The following MSL2 variants were observed in gnomAD, a reference collection of about 807,000 sequenced individuals.
The protein encoded by MSL2 is MSL complex subunit 2, also known as E3 ubiquitin-protein ligase MSL2.
MSL2 carries 2 observed loss-of-function variants against 35.8 expected under a neutral mutation model. The ratio of observed to expected loss-of-function variants is 0.06; its 90% CI spans 0.02 to 0.18. The LOEUF is 0.18. Among genes scored for constraint, MSL2 ranks in the 10% least tolerant of loss-of-function variants. The probability of loss-of-function intolerance (pLI) is 1.00; values close to 1 mark genes in which losing one functional copy is unlikely to be tolerated. For missense variants in MSL2, 523 were observed against 706.7 expected (o/e 0.74, Z 2.95); for synonymous variants, 296 against 255.7 (o/e 1.16, Z -1.50).
At chr3:136,178,651 G>A (rs985573351) in intron 1 of MSL2, among the ~76,000 whole-genome samples, 1 of 151,242 alleles carries the variant, frequency 6.6e-6, no homozygotes, top group Middle Eastern at 3.2e-3. Context: ...TCCTGCCTCA[G>A]CCTCCCAAGT....
intron 1 of MSL2, among the ~76,000 whole-genome samples, chr3:136,186,702 G>A (rs556725198): frequency 2.6e-5 from 4 of 152,256 alleles, no homozygotes; most frequent in East Asian, 1.9e-4. Flanking sequence ...TGGAAAACAC[G>A]CTCAGGGCTC....
chr3:136,165,224 A>G (rs2108071096), intron 1 of MSL2, among the ~76,000 whole-genome samples: 1 of 151,608 alleles, frequency 6.6e-6, no homozygotes, highest in African/African-American at 2.4e-5. Flanking sequence ...AAAAAAAAAA[A>G]GTCTCACTGC....
chr3:136,167,925 A>G (rs754902870), intron 1 of MSL2, among the ~76,000 whole-genome samples: 2 of 152,208 alleles, frequency 1.3e-5, no homozygotes, highest in African/African-American at 4.8e-5. Flanking sequence ...AAAAGACAGG[A>G]AACAGTTTTC....
At chr3:136,186,897 C>T (rs1356348631) in intron 1 of MSL2, among the ~76,000 whole-genome samples, 4 of 152,084 alleles carry the variant, frequency 2.6e-5, no homozygotes, top group Non-Finnish European at 5.9e-5. Context: ...AGGGAACTGC[C>T]GCTTTAAATC....
chr3:136,187,899 C>T (rs774668951), intron 1 of MSL2, among the ~76,000 whole-genome samples: 1 of 151,740 alleles, frequency 6.6e-6, no homozygotes, highest in Non-Finnish European at 1.5e-5. Flanking sequence ...TTTTAATAAG[C>T]TTTTAGGTGA....
At chr3:136,185,590 GC>G (rs1458999222) in intron 1 of MSL2, among the ~76,000 whole-genome samples, 2 of 151,780 alleles carry the variant, frequency 1.3e-5, no homozygotes, top group Non-Finnish European at 1.5e-5. Flanking sequence ...AGGCTGGAGT[GC>G]AGTGGTGCAA....
chr3:136,188,985 T>C (rs1296579690), intron 1 of MSL2, among the ~76,000 whole-genome samples: 2 of 151,490 alleles, frequency 1.3e-5, no homozygotes, highest in African/African-American at 2.4e-5. Context: ...AGCAGTATCA[T>C]CTTGCATAAA....
intron 1 of MSL2, among the ~76,000 whole-genome samples, chr3:136,186,522 C>T (rs1940529314): frequency 6.6e-6 from 1 of 152,180 alleles, no homozygotes; most frequent in Non-Finnish European, 1.5e-5. Flanking sequence ...CCCCACTGCT[C>T]GCATTACCAC....
At position 136,150,000 on chromosome 3, in the gene MSL2, C is replaced by CAAGT. The variant is rs1360935025; in HGVS notation, c.*1146_*1147insACTT. 6.6e-6 allele frequency: 1 copy of CAAGT among 152,646 alleles called. No homozygotes were observed. Among genetic ancestry groups the CAAGT allele is most frequent in the East Asian group, 1.9e-4 (1 of 5,206 alleles). The allele number at this position is 152,646 out of a possible 1,614,324, so 9.5% of individuals were successfully genotyped here. A position where few individuals can be genotyped will look rare whatever the true frequency, so the allele number is the denominator to read the frequency against. ...TCCCTTCAACAGAATGTTTGTGACT[C>CAAGT]ACTTGTCTTCCCCATAAAAATTAAC... On this transcript the variant is annotated 3_prime_UTR_variant, in exon 2 of 2. Transcript: ENST00000309993.
chr3:136,185,857 A>G (rs2108091829), intron 1 of MSL2, among the ~76,000 whole-genome samples: 1 of 152,284 alleles, frequency 6.6e-6, no homozygotes, highest in East Asian at 1.9e-4. Context: ...CTGAAGGGCA[A>G]AATTTTATCA....
intron 1 of MSL2, among the ~76,000 whole-genome samples, chr3:136,177,680 T>TAAAAAAAA (rs397738424): frequency 1.3e-5 from 1 of 78,502 alleles, no homozygotes; most frequent in African/African-American, 5.5e-5. Flanking sequence ...CTCCGTCTCA[T>TAAAAAAAA]AAAAAAAAAA....
chr3:136,167,964 CAAG>C, intron 1 of MSL2, among the ~76,000 whole-genome samples: 1 of 152,026 alleles, frequency 6.6e-6, no homozygotes, highest in East Asian at 1.9e-4. Context: ...CCACATGAAA[CAAG>C]AGATATCTAC....
intron 1 of MSL2, among the ~76,000 whole-genome samples, chr3:136,161,897 G>A (rs1385975969): frequency 6.6e-6 from 1 of 151,900 alleles, no homozygotes; most frequent in East Asian, 1.9e-4. Flanking sequence ...CTTCATCTAA[G>A]GAAGGACACA....
intron 1 of MSL2, chr3:136,153,150 G>T: frequency 1.4e-6 from 1 of 725,484 alleles, no homozygotes; most frequent in Non-Finnish European, 1.7e-6. Context: ...TGAGGTGATG[G>T]CTTGAGCCCT....
intron 1 of MSL2, chr3:136,194,317 A>G (rs952475200): frequency 1.4e-6 from 1 of 737,786 alleles, no homozygotes; most frequent in Non-Finnish European, 1.7e-6. Flanking sequence ...TTTTTTAACA[A>G]AAACATCTAA....
intron 1 of MSL2, among the ~76,000 whole-genome samples, chr3:136,157,417 T>C (rs1939566013): frequency 6.6e-6 from 1 of 152,054 alleles, no homozygotes; most frequent in African/African-American, 2.4e-5. Flanking sequence ...GCAGGAGAAC[T>C]GCTTGAACCT....
rs753775308 is a variant in MSL2, at chr3:136,149,119, C to CA, written c.*2027dup. ...TCTATATTGCCAACCTCCCATGCAT[C>CA]AAAAAAAAAAAAAAACCCACAAGAT... is the stretch of plus-strand genomic sequence containing the variant. On this transcript the variant is annotated 3_prime_UTR_variant, in exon 2 of 2. Transcript: ENST00000309993. 0.058 allele frequency: 6,784 copies of CA among 117,952 alleles called. 333 individuals carry two copies. Among genetic ancestry groups the CA allele is most frequent in the African/African-American group, 0.15 (5,141 of 33,244 alleles). The allele number at this position is 117,952 out of a possible 1,614,324, so 7.3% of individuals were successfully genotyped here.
rs1221336389 is a variant in MSL2, at chr3:136,184,737, T to TA, written c.142+10234dup. Among the ~76,000 whole-genome samples, 260 of 68,664 alleles carry TA rather than the reference T, an allele frequency of 3.8e-3. 2 individuals are homozygous for TA. The highest frequency in any genetic ancestry group is 9.8e-3 in the East Asian group (23 of 2,338). The allele number at this position is 68,664 out of a possible 152,430, so 45.0% of individuals were successfully genotyped here. A position where few individuals can be genotyped will look rare whatever the true frequency, so the allele number is the denominator to read the frequency against. Reference sequence around the variant, plus strand: ...TTACAGGAGCAAGTTAGATAAAGGTTAAAAAAAAAAAAAGGGGGGGGGGGG... The same window carrying TA: ...TTACAGGAGCAAGTTAGATAAAGGTTAAAAAAAAAAAAAAGGGGGGGGGGGG... On this transcript the variant is annotated intron_variant, in intron 1 of 1. Coordinates refer to ENST00000309993, the MANE Select transcript of MSL2 (RefSeq NM_018133.4).
In MSL2 at chr3:136,151,000, A is replaced by T. The variant is rs1939346295; in HGVS notation, c.*147T>A. The T allele has an allele frequency of 1.2e-6, 1 of 849,838 alleles. No homozygotes were observed. Among genetic ancestry groups the T allele is most frequent in the Non-Finnish European group, 1.8e-6 (1 of 543,094 alleles). The allele number at this position is 849,838 out of a possible 1,614,324, so 52.6% of individuals were successfully genotyped here. A position where few individuals can be genotyped will look rare whatever the true frequency, so the allele number is the denominator to read the frequency against. ...CCATTATCTGCAAACTATTTCCCCG[A>T]CACTAACACATATAACTTAGCAATG... On this transcript the variant is annotated 3_prime_UTR_variant, in exon 2 of 2. Coordinates refer to ENST00000309993, the MANE Select transcript of MSL2 (RefSeq NM_018133.4).
Sources: allele counts gnomAD v4.1 joint callset (sites outside exome capture counted in the v4.1 genomes callset), GRCh38; gene constraint gnomAD v4.1.1; transcripts MANE v1.5; gene names NCBI Gene and HGNC (gene_info 2026-07-23, HGNC 2026-07-21).